SCRT1: variants seen among roughly 807,000 people sequenced by gnomAD.
SCRT1 encodes transcriptional repressor scratch 1.
A neutral mutation model predicts 3.4 loss-of-function variants in SCRT1; 1 was observed. The ratio of observed to expected loss-of-function variants is 0.29; its 90% CI spans 0.10 to 1.39. SCRT1 has a LOEUF of 1.39. Among genes scored for constraint, SCRT1 ranks in the 40% most tolerant of loss-of-function variants. SCRT1 has a pLI of 0.42. For missense variants in SCRT1, 380 were observed against 526.3 expected (o/e 0.72, Z 2.72); for synonymous variants, 238 against 247.0 (o/e 0.96, Z 0.34).
At position 144,333,765 on chromosome 8, in the gene SCRT1, C is replaced by A; in HGVS notation, c.467G>T (p.Gly156Val). Reference protein sequence around the residue: ...DGDAGGGGGAGGRSLGSGPGG... With the variant: ...DGDAGGGGGAVGRSLGSGPGG... Reference sequence around the variant, plus strand: ...CGGCCCGGATCCCAAGCTGCGCCCGCCCGCCCCGCCCCCGCCTCCGGCGTC... The same window carrying A: ...CGGCCCGGATCCCAAGCTGCGCCCGACCGCCCCGCCCCCGCCTCCGGCGTC... Residue 156 changes from glycine to valine, a missense_variant, in exon 2 of 2, where the codon GGC becomes GTC. Coordinates refer to ENST00000569446, the MANE Select transcript of SCRT1 (RefSeq NM_031309.6). 3.4e-6 allele frequency: 4 copies of A among 1,180,846 alleles called. No homozygotes were observed. The highest frequency in any genetic ancestry group is 4.2e-6 in the Non-Finnish European group (4 of 955,968). The allele number at this position is 1,180,846 out of a possible 1,614,324, so 73.1% of individuals were successfully genotyped here.
chr8:144,335,973 G>T lies in SCRT1; in HGVS notation c.115+82C>A. The stretch of plus-strand genomic sequence containing the variant: ...CCTTCAGTCTGTTTCCCCGGGCCCT[G>T]CCCTCCGCCCCCACACTCTGGCCCT... On this transcript the variant is annotated intron_variant, in intron 1 of 1. Coordinates refer to ENST00000569446, the MANE Select transcript of SCRT1 (RefSeq NM_031309.6). The surrounding 1 kb of genome is among the most constrained non-coding windows in gnomAD (Gnocchi z 7.7). 1 of 948,696 alleles carries T rather than the reference G, an allele frequency of 1.1e-6. No homozygotes were observed. The highest frequency in any genetic ancestry group is 1.5e-6 in the Non-Finnish European group (1 of 654,296). The allele number at this position is 948,696 out of a possible 1,614,324, so 58.8% of individuals were successfully genotyped here. A position where few individuals can be genotyped will look rare whatever the true frequency, so the allele number is the denominator to read the frequency against.
chr8:144,334,089 G>A lies in SCRT1; in HGVS notation c.143C>T (p.Ser48Leu), dbSNP rs1554850052. 2 of 1,536,922 alleles carry A rather than the reference G, an allele frequency of 1.3e-6. No homozygotes were observed. The highest frequency in any genetic ancestry group is 1.7e-6 in the Non-Finnish European group (2 of 1,144,412). The change falls in exon 2 of 2, where the codon TCG becomes TTG. Residue 48 changes from serine to leucine, a missense_variant. Physicochemically the swap from Ser to Leu is moderately radical, Grantham distance 145. This residue lies in a region of SCRT1 where 125 missense variants were observed against 132.7 expected (regional missense o/e 0.94). Transcript: ENST00000569446. ...CTCGGCGTCGCCATCGTAGACGGAC[G>A]AGGGCCCCACGTAGTCGCTGAGGTA... ...KGYLSDYVGP[S>L]SVYDGDAEAA...
chr8:144,330,776 GGGGC>G lies in SCRT1; in HGVS notation c.*2405_*2408del, dbSNP rs1817721443. On this transcript the variant is annotated 3_prime_UTR_variant, in exon 2 of 2. Coordinates refer to ENST00000569446, the MANE Select transcript of SCRT1 (RefSeq NM_031309.6). ...AGGCGGCGGGGCACAGGCGGGGGTG[GGGGC>G]GGGCGGGCCGGCGGCCGCAGCCCCC... 1 of 150,980 alleles carries G rather than the reference GGGGC, an allele frequency of 6.6e-6. No individual in the cohort carries two copies. Among genetic ancestry groups the G allele is most frequent in the African/African-American group, 2.4e-5 (1 of 41,286 alleles). 9.4% of individuals were successfully genotyped at this position (150,980 alleles called of 1,614,324 possible).
Position 144,333,274 on chromosome 8 carries a change from T to A in SCRT1, c.958A>T (p.Asn320Tyr). 6.2e-7 allele frequency: 1 copy of A among 1,609,250 alleles called. No individual in the cohort carries two copies. Among genetic ancestry groups the A allele is most frequent in the Non-Finnish European group, 8.5e-7 (1 of 1,177,318 alleles). The stretch of plus-strand genomic sequence containing the variant: ...AAGCAGGCCGACTCGTAGTGCTTGT[T>A]GAGATAGGACTTGAGCGCGAAGCTC... The part of the protein sequence containing the change: ...KKSFALKSYL[N>Y]KHYESACFKG... The change falls in exon 2 of 2, where the codon AAC (asparagine) becomes TAC (tyrosine). Residue 320 changes from asparagine (N) to tyrosine (Y), a missense_variant. Physicochemically the swap from Asn to Tyr is moderately radical, Grantham distance 143. Around this residue, in one of 5 missense-constraint regions of SCRT1, gnomAD observed 67 missense variants for 64.7 expected, o/e 1.04. Coordinates refer to ENST00000569446, the MANE Select transcript of SCRT1 (RefSeq NM_031309.6).
chr8:144,336,352 C>G lies in SCRT1; in HGVS notation c.-183G>C. 1.9e-6 allele frequency: 1 copy of G among 524,846 alleles called. No homozygotes were observed. The highest frequency in any genetic ancestry group is 3.4e-6 in the Non-Finnish European group (1 of 293,500). The allele number at this position is 524,846 out of a possible 1,614,324, so 32.5% of individuals were successfully genotyped here. On this transcript the variant is annotated 5_prime_UTR_variant, in exon 1 of 2. Coordinates refer to ENST00000569446, the MANE Select transcript of SCRT1 (RefSeq NM_031309.6). This position sits in a 1 kb window ranked among gnomAD's most constrained non-coding sequence, Gnocchi z 6.8. The stretch of plus-strand genomic sequence containing the variant: ...CTGCCCTGCGTCTCCTCCGTTGCCC[C>G]TCCGGATCCCTCTTCTTCCTCCTTC...
rs1817770567 is a variant in SCRT1 at position 144,331,974 on chromosome 8, G to A, written c.*1211C>T. 2 of 152,172 alleles carry A rather than the reference G, an allele frequency of 1.3e-5. No homozygotes were observed. The highest frequency in any genetic ancestry group is 1.3e-4 in the Admixed American group (2 of 15,284). The allele number at this position is 152,172 out of a possible 1,614,324, so 9.4% of individuals were successfully genotyped here. ...CGGCGGCCAATGGGGCGGGCCCTTG[G>A]GGCGGGGTCGCCGCCGAGGCTTTGG... On this transcript the variant is annotated 3_prime_UTR_variant, in exon 2 of 2. Transcript: ENST00000569446.
Position 144,333,214 on chromosome 8 carries a change from G to T in SCRT1, c.1018C>A (p.Pro340Thr). 1 of 1,582,756 alleles carries T rather than the reference G, an allele frequency of 6.3e-7. No homozygotes were observed. The highest frequency in any genetic ancestry group is 8.6e-7 in the Non-Finnish European group (1 of 1,166,852). The change falls in exon 2 of 2, where the codon CCG (proline) becomes ACG (threonine). Residue 340 changes from proline (P) to threonine (T), a missense_variant. Pro to Thr is a conservative substitution (Grantham distance 38). Coordinates refer to ENST00000569446, the MANE Select transcript of SCRT1 (RefSeq NM_031309.6). ...GGAGGPAAPAPPQLSPVQA is the reference protein window; with the variant it reads ...GGAGGPAAPATPQLSPVQA Reference sequence around the variant, plus strand: ...GCCTGCACAGGGCTGAGCTGTGGCGGCGCAGGAGCCGCGGGGCCTCCGGCG... The same window carrying T: ...GCCTGCACAGGGCTGAGCTGTGGCGTCGCAGGAGCCGCGGGGCCTCCGGCG...
rs1166748076 is a variant in SCRT1 at position 144,330,789 on chromosome 8, C to T, written c.*2396G>A. 16 of 148,854 alleles carry T rather than the reference C, an allele frequency of 1.1e-4. No individual in the cohort carries two copies. The highest frequency in any genetic ancestry group is 2.1e-4 in the East Asian group (1 of 4,760). The allele number at this position is 148,854 out of a possible 1,614,324, so 9.2% of individuals were successfully genotyped here. A position where few individuals can be genotyped will look rare whatever the true frequency, so the allele number is the denominator to read the frequency against. On this transcript the variant is annotated 3_prime_UTR_variant, in exon 2 of 2. Transcript: ENST00000569446. ...CAGGCGGGGGTGGGGGCGGGCGGGC[C>T]GGCGGCCGCAGCCCCCACCCGAGGG...
chr8:144,335,270 G>GCA lies in SCRT1; in HGVS notation c.115+783_115+784dup, dbSNP rs1407388279. Among the ~76,000 whole-genome samples the GCA allele has an allele frequency of 2.0e-5, 3 of 151,654 alleles. No homozygotes were observed. Among genetic ancestry groups the GCA allele is most frequent in the African/African-American group, 2.4e-5 (1 of 41,412 alleles). Reference sequence around the variant, plus strand: ...GTCCCATGTAGTGGCACACAGGCAAGCACACACACACACAGGGTCACACAC... The same window carrying GCA: ...GTCCCATGTAGTGGCACACAGGCAAGCACACACACACACACAGGGTCACACAC... On this transcript the variant is annotated intron_variant, in intron 1 of 1. Coordinates refer to ENST00000569446, the MANE Select transcript of SCRT1 (RefSeq NM_031309.6). This position sits in a 1 kb window ranked among gnomAD's most constrained non-coding sequence, Gnocchi z 7.7.
intron 1 of SCRT1, 110 bp from the exon 2 acceptor site, chr8:144,334,226 G>C: frequency 1.2e-6 from 1 of 842,110 alleles, no homozygotes; most frequent in Non-Finnish European, 1.8e-6. Context: ...ACCCGGGTCC[G>C]GGAGAGAGGC....
chr8:144,332,524 G>A lies in SCRT1; in HGVS notation c.*661C>T, dbSNP rs1367528421. The A allele has an allele frequency of 6.5e-6, 1 of 152,730 alleles. No individual in the cohort carries two copies. The highest frequency in any genetic ancestry group is 1.5e-5 in the Non-Finnish European group (1 of 68,088). The allele number at this position is 152,730 out of a possible 1,614,324, so 9.5% of individuals were successfully genotyped here. The stretch of plus-strand genomic sequence containing the variant: ...CAGAGCCCGGGAAGCTGGGCTGGAA[G>A]AATTCGGATTTGGCAGAGGATGCGA... On this transcript the variant is annotated 3_prime_UTR_variant, in exon 2 of 2. Coordinates refer to ENST00000569446, the MANE Select transcript of SCRT1 (RefSeq NM_031309.6).
At chr8:144,334,791 C>T (rs1397295551) in intron 1 of SCRT1, among the ~76,000 whole-genome samples, 1 of 152,106 alleles carries the variant, frequency 6.6e-6, no homozygotes, top group Non-Finnish European at 1.5e-5. Context: ...CCTCCCTGCT[C>T]CTCCATGCAC....
chr8:144,335,895 T>A lies in SCRT1; in HGVS notation c.115+160A>T, dbSNP rs1288164120. The stretch of plus-strand genomic sequence containing the variant: ...CCAGCCTTGGCCTCTGTGTTCCCCT[T>A]CCTCCCCTCTACCGTCCAGGCTCCA... On this transcript the variant is annotated intron_variant, in intron 1 of 1. Transcript: ENST00000569446. The surrounding 1 kb of genome is among the most constrained non-coding windows in gnomAD (Gnocchi z 7.7). 1.3e-5 allele frequency among the ~76,000 whole-genome samples: 2 copies of A among 152,128 alleles called. No homozygotes were observed. The highest frequency in any genetic ancestry group is 2.9e-5 in the Non-Finnish European group (2 of 68,014).
intron 1 of SCRT1, among the ~76,000 whole-genome samples, chr8:144,334,349 C>T (rs1554850123): frequency 6.6e-6 from 1 of 151,906 alleles, no homozygotes; most frequent in Non-Finnish European, 1.5e-5. Context: ...CCGGGCCACG[C>T]TCCGCCCCCG....
chr8:144,336,314 T>C lies in SCRT1; in HGVS notation c.-145A>G. On this transcript the variant is annotated 5_prime_UTR_variant, in exon 1 of 2. Coordinates refer to ENST00000569446, the MANE Select transcript of SCRT1 (RefSeq NM_031309.6). This position sits in a 1 kb window ranked among gnomAD's most constrained non-coding sequence, Gnocchi z 6.8. ...TTTGGATGCTGCCGCGCGAGTGGTGTCCTCTCTCCTTGCTGCCCTGCGTCT... is the reference window on the plus strand; with the variant it reads ...TTTGGATGCTGCCGCGCGAGTGGTGCCCTCTCTCCTTGCTGCCCTGCGTCT... The C allele has an allele frequency of 1.7e-6, 1 of 580,522 alleles. No individual in the cohort carries two copies. The highest frequency in any genetic ancestry group is 2.0e-5 in the African/African-American group (1 of 50,824). 36.0% of individuals were successfully genotyped at this position (580,522 alleles called of 1,614,324 possible). A position where few individuals can be genotyped will look rare whatever the true frequency, so the allele number is the denominator to read the frequency against.
Position 144,333,624 on chromosome 8 carries a change from G to T in SCRT1, c.608C>A (p.Ser203Ter). Residue 203 changes from serine to a stop codon, truncating the protein, a stop_gained, in exon 2 of 2, where the codon TCG becomes TAG. Coordinates refer to ENST00000569446, the MANE Select transcript of SCRT1 (RefSeq NM_031309.6). LOFTEE classifies it low-confidence loss of function (END_TRUNC). Reference protein sequence around the residue: ...CGECGKTYATSSNLSRHKQTH... With the variant: ...CGECGKTYAT ...CTGCTTGTGGCGGCTCAGGTTCGAC[G>T]ACGTGGCGTATGTTTTGCCGCACTC... 1 of 1,607,080 alleles carries T rather than the reference G, an allele frequency of 6.2e-7. No individual in the cohort carries two copies.
At chr8:144,334,259 G>C (rs1196428563) in intron 1 of SCRT1, 143 bp from the exon 2 acceptor site, 31 of 616,866 alleles carry the variant, frequency 5.0e-5, no homozygotes, top group Non-Finnish European at 8.5e-5. Context: ...GGACAAAGGA[G>C]AGGAGGCCGA....
chr8:144,334,219 C>G lies in SCRT1; in HGVS notation c.116-103G>C, dbSNP rs1165997407. 28 of 910,054 alleles carry G rather than the reference C, an allele frequency of 3.1e-5. No individual in the cohort carries two copies. In the Admixed American group the frequency reaches 4.4e-4, roughly 14 times the overall value. The allele number at this position is 910,054 out of a possible 1,614,324, so 56.4% of individuals were successfully genotyped here. Reference sequence around the variant, plus strand: ...GACAGCAGACGCGGACCGGGAGACCCGGGTCCGGGAGAGAGGCGAACAGGG... The same window carrying G: ...GACAGCAGACGCGGACCGGGAGACCGGGGTCCGGGAGAGAGGCGAACAGGG... On this transcript the variant is annotated intron_variant, in intron 1 of 1. Coordinates refer to ENST00000569446, the MANE Select transcript of SCRT1 (RefSeq NM_031309.6).
rs1311810293 is a variant in SCRT1 at position 144,335,811 on chromosome 8, G to C, written c.115+244C>G. On this transcript the variant is annotated intron_variant, in intron 1 of 1. Transcript: ENST00000569446. The surrounding 1 kb of genome is among the most constrained non-coding windows in gnomAD (Gnocchi z 7.7). ...GGATGTGGGTCCATGTGTGCGTTTGGGTACCTCAGTTCCTGATCCTCTTCC... is the reference window on the plus strand; with the variant it reads ...GGATGTGGGTCCATGTGTGCGTTTGCGTACCTCAGTTCCTGATCCTCTTCC... Among the ~76,000 whole-genome samples, 1 of 152,142 alleles carries C rather than the reference G, an allele frequency of 6.6e-6. No homozygotes were observed. Among genetic ancestry groups the C allele is most frequent in the African/African-American group, 2.4e-5 (1 of 41,426 alleles).
Sources: allele counts gnomAD v4.1 joint callset (sites outside exome capture counted in the v4.1 genomes callset), GRCh38; gene constraint gnomAD v4.1.1; regional missense constraint gnomAD v4.1.1; non-coding constraint Gnocchi (gnomAD v3.1); transcripts MANE v1.5; gene names NCBI Gene and HGNC (gene_info 2026-07-23, HGNC 2026-07-21).